The following ZNF385D variants were observed in gnomAD, a reference collection of about 807,000 sequenced individuals.
The protein encoded by ZNF385D is zinc finger protein 659.
Under a neutral mutation model 35.8 loss-of-function variants are expected in ZNF385D, and 15 were observed. That is an observed-to-expected ratio of 0.42 (90% CI 0.28 to 0.64). ZNF385D has a LOEUF of 0.64. Ranked by LOEUF, ZNF385D falls within the 30% of genes least tolerant of loss-of-function variation. ZNF385D has a pLI of 0.23. For missense variants in ZNF385D, 474 were observed against 494.6 expected (o/e 0.96, Z 0.39); for synonymous variants, 212 against 186.8 (o/e 1.13, Z -1.10).
At chr3:21,907,955 C>T (rs1699763810) in intron 3 of ZNF385D, among the ~76,000 whole-genome samples, 6 of 151,870 alleles carry the variant, frequency 4.0e-5, no homozygotes, top group Admixed American at 3.9e-4. Flanking sequence ...GATAAGCAAA[C>T]TATAGAAATA....
upstream of ZNF385D, among the ~76,000 whole-genome samples, chr3:21,752,702 A>C (rs1226961491): frequency 6.6e-6 from 1 of 152,146 alleles, no homozygotes; most frequent in Non-Finnish European, 1.5e-5. Flanking sequence ...TTTTAGAAAT[A>C]CTCTTAATTT....
rs187921594 is a variant in ZNF385D, at chr3:22,155,192, C to T, written c.325+13625G>A. Among the ~76,000 whole-genome samples, 50 of 151,702 alleles carry T rather than the reference C, an allele frequency of 3.3e-4. No homozygotes were observed. In the East Asian group the frequency reaches 9.5e-3, roughly 29 times the overall value. ...GTAAATATCTATAATTATTGTGTAT[C>T]AATAAAAATAAATAAAAAGATCTAT... On this transcript the variant is annotated intron_variant, in intron 3 of 5. Transcript: ENST00000494108.
At chr3:21,988,454 G>T (rs1173846298) in intron 3 of ZNF385D, among the ~76,000 whole-genome samples, 5 of 136,106 alleles carry the variant, frequency 3.7e-5, no homozygotes, top group African/African-American at 1.3e-4. Context: ...TGCCCCTGCT[G>T]GGGGGTGCCT....
chr3:21,988,201 G>A lies in ZNF385D; in HGVS notation c.325+180616C>T, dbSNP rs1450134909. Among the ~76,000 whole-genome samples the A allele has an allele frequency of 2.1e-3, 270 of 129,210 alleles. 3 individuals are homozygous for A. The highest frequency in any genetic ancestry group is 7.1e-3 in the African/African-American group (251 of 35,414). The allele number at this position is 129,210 out of a possible 152,430, so 84.8% of individuals were successfully genotyped here. A position where few individuals can be genotyped will look rare whatever the true frequency, so the allele number is the denominator to read the frequency against. Reference sequence around the variant, plus strand: ...ATCATTCTCCATCCAGCTTTGTTCCGTTGCTGGTGAGGAACTGCGTTCCTT... The same window carrying A: ...ATCATTCTCCATCCAGCTTTGTTCCATTGCTGGTGAGGAACTGCGTTCCTT... On this transcript the variant is annotated intron_variant, in intron 3 of 5. Coordinates refer to the ZNF385D transcript ENST00000494108.
At chr3:21,825,716 T>C (rs1694563915) in intron 3 of ZNF385D, among the ~76,000 whole-genome samples, 1 of 152,204 alleles carries the variant, frequency 6.6e-6, no homozygotes, top group South Asian at 2.1e-4. Context: ...TCTCTTTCTC[T>C]GTGTTTGTCT....
At chr3:21,784,139 C>T (rs985948839) in intron 3 of ZNF385D, among the ~76,000 whole-genome samples, 6 of 152,152 alleles carry the variant, frequency 3.9e-5, no homozygotes, top group African/African-American at 9.7e-5. Context: ...GAACAAGTTA[C>T]TGGAAGAGAA....
chr3:21,873,733 A>G (rs1697815947), intron 3 of ZNF385D, among the ~76,000 whole-genome samples: 1 of 152,046 alleles, frequency 6.6e-6, no homozygotes, highest in Non-Finnish European at 1.5e-5. Context: ...ATCATGCCGT[A>G]TTTGTCCTTT....
At chr3:22,238,215 T>C (rs1480106594) in intron 2 of ZNF385D, among the ~76,000 whole-genome samples, 1 of 151,218 alleles carries the variant, frequency 6.6e-6, no homozygotes, top group Non-Finnish European at 1.5e-5. Context: ...TGGCTTGTAG[T>C]AAGTTTTGCA....
At chr3:21,703,178 G>A (rs2067757813) in intron 1 of ZNF385D, among the ~76,000 whole-genome samples, 1 of 152,134 alleles carries the variant, frequency 6.6e-6, no homozygotes, top group Non-Finnish European at 1.5e-5. Flanking sequence ...TGGCTGGGGA[G>A]GCCTCAGAAT....
intron 2 of ZNF385D, among the ~76,000 whole-genome samples, chr3:22,321,606 C>A (rs1478724921): frequency 6.6e-6 from 1 of 152,078 alleles, no homozygotes; most frequent in African/African-American, 2.4e-5. Flanking sequence ...ACCTCGTGAT[C>A]CACTCACCTC....
At chr3:22,013,624 T>A (rs530393518) in intron 3 of ZNF385D, among the ~76,000 whole-genome samples, 1 of 152,082 alleles carries the variant, frequency 6.6e-6, no homozygotes, top group Non-Finnish European at 1.5e-5. Flanking sequence ...TAGGATTAGG[T>A]AGAAACTTAA....
At chr3:21,848,250 C>T (rs1160253151) in intron 3 of ZNF385D, among the ~76,000 whole-genome samples, 1 of 151,822 alleles carries the variant, frequency 6.6e-6, no homozygotes, top group Non-Finnish European at 1.5e-5. Flanking sequence ...ATTTGTTTGT[C>T]CATGAAAACT....
upstream of ZNF385D, among the ~76,000 whole-genome samples, chr3:21,751,691 G>C (rs910491865): frequency 2.0e-5 from 3 of 152,142 alleles, no homozygotes; most frequent in Non-Finnish European, 4.4e-5. Flanking sequence ...TAGGGTAATA[G>C]AGGTTCACAC....
At chr3:22,156,233 A>T (rs1407808784) in intron 3 of ZNF385D, among the ~76,000 whole-genome samples, 1 of 104,926 alleles carries the variant, frequency 9.5e-6, no homozygotes, top group Non-Finnish European at 2.6e-5. Flanking sequence ...GTGTAACAAG[A>T]AACAAGAAAA....
intron 2 of ZNF385D, among the ~76,000 whole-genome samples, chr3:22,237,396 A>C (rs1699248102): frequency 6.6e-6 from 1 of 152,076 alleles, no homozygotes; most frequent in Admixed American, 6.6e-5. Context: ...TTATTTTTAT[A>C]TTCTAGATAC....
At chr3:21,515,379 T>C (rs1289289166) in intron 3 of ZNF385D, among the ~76,000 whole-genome samples, 1 of 152,208 alleles carries the variant, frequency 6.6e-6, no homozygotes, top group Admixed American at 6.5e-5. Context: ...ATTATAAGCA[T>C]ATATATCCAA....
chr3:22,199,957 T>A (rs1696671942), intron 2 of ZNF385D, among the ~76,000 whole-genome samples: 1 of 152,054 alleles, frequency 6.6e-6, no homozygotes, highest in South Asian at 2.1e-4. Context: ...TCTTAAAAAC[T>A]TTACCTGCTG....
chr3:21,818,202 G>T (rs945164560), intron 3 of ZNF385D, among the ~76,000 whole-genome samples: 10 of 152,072 alleles, frequency 6.6e-5, no homozygotes, highest in Admixed American at 4.6e-4. Context: ...ATGGGGGAGG[G>T]ATAGCACTAG....
At chr3:21,757,120 C>CTCTTTTTT (rs1194556367) in intron 3 of ZNF385D, among the ~76,000 whole-genome samples, 1 of 106,408 alleles carries the variant, frequency 9.4e-6, no homozygotes. Flanking sequence ...ATAAATTTCT[C>CTCTTTTTT]TTTTTTTTTT....
Sources: gnomAD v4.1 joint callset for allele counts (sites outside exome capture counted in the v4.1 genomes callset) on GRCh38, gnomAD v4.1.1 for gene constraint, MANE v1.5 for transcripts, NCBI Gene and HGNC (gene_info 2026-07-23, HGNC 2026-07-21) for gene names.